Variants in L3HYPDH observed in about 807,000 individuals in gnomAD.
L3HYPDH encodes trans-L-3-hydroxyproline dehydratase.
Under a neutral mutation model 26.5 loss-of-function variants are expected in L3HYPDH, and 32 were observed. The observed-to-expected ratio is 1.21, with a 90% CI of 0.91 to 1.62. The LOEUF (loss-of-function observed/expected upper bound fraction) is 1.62. Among genes scored for constraint, L3HYPDH ranks in the 40% most tolerant of loss-of-function variants. L3HYPDH has a pLI of 0.00. For synonymous variants in L3HYPDH, 215 were observed against 196.6 expected (o/e 1.09, Z -0.78); for missense variants, 554 against 476.4 (o/e 1.16, Z -1.52).
the L3HYPDH span, among the ~76,000 whole-genome samples, chr14:59,495,763 T>G: frequency 6.6e-6 from 1 of 152,214 alleles, no homozygotes; most frequent in African/African-American, 2.4e-5. Flanking sequence ...TAGCAGGCTT[T>G]CAGTACATAA....
downstream of L3HYPDH, among the ~76,000 whole-genome samples, chr14:59,470,814 A>G (rs186775768): frequency 1.9e-3 from 292 of 152,254 alleles, 2 homozygotes; most frequent in Admixed American, 0.014. Flanking sequence ...AGGAATCTAG[A>G]AGCTTAAATA....
At chr14:59,486,503 C>A (rs568341223), upstream of L3HYPDH, among the ~76,000 whole-genome samples, 2 of 152,262 alleles carry the variant, frequency 1.3e-5, no homozygotes, top group South Asian at 4.1e-4. Context: ...TCATAAGGCA[C>A]GGTATTAACA....
In L3HYPDH at chr14:59,483,837, G is replaced by A. The variant is rs1443243606; in HGVS notation, c.480C>T (p.His160=). ...TGGCCAGCACGAAGGCCGGGACGCTGTGGAAGCGCACCGGTCCGTGGCTGC... is the reference window on the plus strand; with the variant it reads ...TGGCCAGCACGAAGGCCGGGACGCTATGGAAGCGCACCGGTCCGTGGCTGC... The part of the protein sequence containing the change: ...DGRSHGPVRF[H]SVPAFVLATD... Residue 160 remains histidine (H), a synonymous_variant, in exon 1 of 5, where the codon CAC becomes CAT. Transcript: ENST00000247194. 1.9e-6 allele frequency: 3 copies of A among 1,590,004 alleles called. No homozygotes were observed. The South Asian group carries it at 3.4e-5, about 18-fold the overall frequency.
chr14:59,483,505 G>T, intron 1 of L3HYPDH: 1 of 1,308,688 alleles, frequency 7.6e-7, no homozygotes, highest in East Asian at 3.4e-5. Context: ...TTTATCCACC[G>T]GTGAAATCTC....
the L3HYPDH span, chr14:59,503,972 C>A: frequency 6.2e-7 from 1 of 1,613,538 alleles, no homozygotes; most frequent in East Asian, 2.2e-5. Flanking sequence ...CAAGATTTGC[C>A]CCTTTTGGCT....
At chr14:59,481,826 C>T (rs750420517) in intron 1 of L3HYPDH, among the ~76,000 whole-genome samples, 1 of 152,170 alleles carries the variant, frequency 6.6e-6, no homozygotes, top group Non-Finnish European at 1.5e-5. Context: ...CCTAGTTCTG[C>T]CATTAGTGTG....
the L3HYPDH span, among the ~76,000 whole-genome samples, chr14:59,500,369 A>C: frequency 6.6e-6 from 1 of 152,220 alleles, no homozygotes; most frequent in African/African-American, 2.4e-5. Context: ...ATTTACAAAT[A>C]ATGTATGAAA....
At chr14:59,495,480 T>G in the L3HYPDH span, among the ~76,000 whole-genome samples, 1 of 152,196 alleles carries the variant, frequency 6.6e-6, no homozygotes. Context: ...AACTTACATA[T>G]AGGAGGCACT....
At chr14:59,470,955 C>G (rs796564400), downstream of L3HYPDH, among the ~76,000 whole-genome samples, 132 of 55,952 alleles carry the variant, frequency 2.4e-3, no homozygotes, top group Non-Finnish European at 2.7e-3. Flanking sequence ...TGGCTGGGGG[C>G]GGGGGGGGGG....
downstream of L3HYPDH, among the ~76,000 whole-genome samples, chr14:59,471,811 AATT>A (rs1430436122): frequency 3.3e-5 from 5 of 152,096 alleles, no homozygotes; most frequent in Non-Finnish European, 5.9e-5. Context: ...GATCTGCAAA[AATT>A]ATTTGGTCAT....
At chr14:59,495,291 ATGGCGTT>A in the L3HYPDH span, 1 of 1,291,190 alleles carries the variant, frequency 7.7e-7, no homozygotes, top group South Asian at 1.2e-5. Flanking sequence ...TATAGATTTT[ATGGCGTT>A]TGGAGACAAA....
chr14:59,494,752 TACAC>T, the L3HYPDH span, among the ~76,000 whole-genome samples: 2 of 152,310 alleles, frequency 1.3e-5, no homozygotes, highest in East Asian at 1.9e-4. Context: ...ATTAAAATGA[TACAC>T]AGATAACTAA....
chr14:59,472,429 A>C (rs368615307), downstream of L3HYPDH, among the ~76,000 whole-genome samples: 16 of 152,344 alleles, frequency 1.1e-4, no homozygotes, highest in South Asian at 3.3e-3. Flanking sequence ...GCTTTGTGCC[A>C]CAGAGAACAC....
chr14:59,476,155 T>G lies in L3HYPDH; in HGVS notation c.738A>C (p.Thr246=). The change falls in exon 3 of 5, where the codon ACA becomes ACC. Residue 246 remains threonine (T), a synonymous_variant. Coordinates refer to ENST00000247194, the MANE Select transcript of L3HYPDH (RefSeq NM_144581.2). The part of the protein sequence containing the change: ...DLAFLYGTIL[T]DGKDAYTKEP... ...CCTTGGTATAAGCATCTTTTCCATC[T>G]GTTAATATAGTTCCATATAAAAAGG... The G allele has an allele frequency of 6.2e-7, 1 of 1,613,762 alleles. No individual in the cohort carries two copies.
chr14:59,470,373 G>T (rs773550152), downstream of L3HYPDH, among the ~76,000 whole-genome samples: 25 of 152,190 alleles, frequency 1.6e-4, no homozygotes, highest in Non-Finnish European at 2.5e-4. Flanking sequence ...GAAGTATGAA[G>T]AACAGTGTCC....
At chr14:59,474,404 T>C (rs1246021125) in intron 4 of L3HYPDH, 10 of 645,814 alleles carry the variant, frequency 1.5e-5, no homozygotes, top group South Asian at 1.2e-4. Flanking sequence ...GAGTGCCTTA[T>C]ATGGAAGTTC....
upstream of L3HYPDH, chr14:59,484,977 A>T (rs1398365777): frequency 3.6e-5 from 56 of 1,565,852 alleles, no homozygotes; most frequent in Non-Finnish European, 4.8e-5. Flanking sequence ...TACTGCTTCA[A>T]CCTCAAACGT....
At chr14:59,500,955 C>T in the L3HYPDH span, 2 of 427,766 alleles carry the variant, frequency 4.7e-6, no homozygotes, top group Middle Eastern at 6.1e-4. Context: ...TGCTTTCCCA[C>T]TACAACTGCA....
At chr14:59,488,098 C>T (rs1293048040), upstream of L3HYPDH, among the ~76,000 whole-genome samples, 2 of 151,922 alleles carry the variant, frequency 1.3e-5, no homozygotes, top group African/African-American at 4.8e-5. Context: ...TGGTTTTCTA[C>T]ACAAAATTGG....
Sources: gnomAD v4.1 joint callset for allele counts (sites outside exome capture counted in the v4.1 genomes callset) on GRCh38, gnomAD v4.1.1 for gene constraint, MANE v1.5 for transcripts, NCBI Gene and HGNC (gene_info 2026-07-23, HGNC 2026-07-21) for gene names.